Variants in RNGTT observed in about 807,000 individuals in gnomAD.
RNGTT encodes RNA guanylyltransferase and 5'-phosphatase.
A neutral mutation model predicts 79.3 loss-of-function variants in RNGTT; 33 were observed. That is an observed-to-expected ratio of 0.42 (90% confidence interval 0.32 to 0.56). The LOEUF is 0.56. Among genes scored for constraint, RNGTT ranks in the 20% least tolerant of loss-of-function variants. The pLI is 0.17. For missense variants in RNGTT, 497 were observed against 739.1 expected (o/e 0.67, Z 3.80); for synonymous variants, 222 against 235.9 (o/e 0.94, Z 0.54).
chr6:88,834,566 CTA>C (rs1369168439), intron 11 of RNGTT, among the ~76,000 whole-genome samples: 5 of 152,170 alleles, frequency 3.3e-5, no homozygotes, highest in Admixed American at 2.6e-4. Flanking sequence ...CTGAAAATCT[CTA>C]TGTGTGAACA....
chr6:88,962,902 A>G (rs1785686839), intron 1 of RNGTT, among the ~76,000 whole-genome samples: 2 of 151,928 alleles, frequency 1.3e-5, no homozygotes, highest in African/African-American at 4.8e-5. Context: ...AAACTAACAA[A>G]AACACCCTCC....
intron 8 of RNGTT, among the ~76,000 whole-genome samples, chr6:88,888,828 G>C (rs1166786457): frequency 6.6e-6 from 1 of 152,140 alleles, no homozygotes; most frequent in African/African-American, 2.4e-5. Context: ...TAGGGAGTTC[G>C]AGACCAGCCT....
rs187570601 is a variant in RNGTT at position 88,884,527 on chromosome 6, G to A, written c.896+5968C>T. 3.6e-3 allele frequency among the ~76,000 whole-genome samples: 542 copies of A among 152,188 alleles called. 9 individuals carry two copies. The highest frequency in any genetic ancestry group is 0.013 in the African/African-American group (524 of 41,532). On this transcript the variant is annotated intron_variant, in intron 8 of 15. Transcript: ENST00000369485. ...TGAGGCTGATTATTTAAGGGGGTGGGTAGGAACAGAATGAAAAGATAAGAG... is the reference window on the plus strand; with the variant it reads ...TGAGGCTGATTATTTAAGGGGGTGGATAGGAACAGAATGAAAAGATAAGAG...
intron 11 of RNGTT, among the ~76,000 whole-genome samples, chr6:88,840,767 C>T (rs1196248640): frequency 6.6e-6 from 1 of 152,126 alleles, no homozygotes; most frequent in East Asian, 1.9e-4. Context: ...TAAAGAAAAA[C>T]ATAGTAAGAA....
intron 11 of RNGTT, among the ~76,000 whole-genome samples, chr6:88,839,546 G>C (rs1211720266): frequency 6.6e-6 from 1 of 151,912 alleles, no homozygotes; most frequent in Non-Finnish European, 1.5e-5. Flanking sequence ...CTCTAGCCTG[G>C]ATGACAGAGC....
intron 12 of RNGTT, among the ~76,000 whole-genome samples, chr6:88,771,350 T>TATATATATATACAC (rs376503141): frequency 3.4e-5 from 4 of 116,254 alleles, no homozygotes; most frequent in African/African-American, 3.9e-5. Flanking sequence ...TATATATATA[T>TATATATATATACAC]ACACACACAC....
Position 88,963,507 on chromosome 6 carries a change from C to A in RNGTT, c.-98G>T, listed in dbSNP as rs543216589. 3 of 1,170,252 alleles carry A rather than the reference C, an allele frequency of 2.6e-6. No individual in the cohort carries two copies. The highest frequency in any genetic ancestry group is 3.2e-5 in the South Asian group (2 of 62,696). 72.5% of individuals were successfully genotyped at this position (1,170,252 alleles called of 1,614,324 possible). A position where few individuals can be genotyped will look rare whatever the true frequency, so the allele number is the denominator to read the frequency against. ...CGGTGCACACCGGGGTCCGAGACAC[C>A]CGAATCGCAGCCGTAATCTGAATTC... is the stretch of plus-strand genomic sequence containing the variant. On this transcript the variant is annotated 5_prime_UTR_variant, in exon 1 of 16. Transcript: ENST00000369485.
rs117972520 is a variant in RNGTT, at chr6:88,806,802, T to C, written c.1270-5170A>G. The stretch of plus-strand genomic sequence containing the variant: ...AAAGATATATGCATGTGTAAATTCA[T>C]TGCAGCACTATTTATAACAGCAAAG... On this transcript the variant is annotated intron_variant, in intron 11 of 15. Transcript: ENST00000369485. 1.7e-3 allele frequency among the ~76,000 whole-genome samples: 256 copies of C among 152,312 alleles called. 7 individuals carry two copies. The East Asian group carries it at 0.043, about 26-fold the overall frequency.
chr6:88,849,953 T>G, intron 9 of RNGTT, 127 bp from the exon 10 acceptor site: 10 of 835,326 alleles, frequency 1.2e-5, no homozygotes, highest in Non-Finnish European at 1.7e-5. Context: ...AATTTCAAAG[T>G]GAACACACTT....
At chr6:88,937,589 T>C (rs1582152874) in intron 2 of RNGTT, among the ~76,000 whole-genome samples, 1 of 152,190 alleles carries the variant, frequency 6.6e-6, no homozygotes, top group East Asian at 1.9e-4. Context: ...TCTTTCCTTC[T>C]ACAAATTTTT....
At chr6:88,768,924 G>C (rs1778556312) in intron 13 of RNGTT, among the ~76,000 whole-genome samples, 1 of 152,086 alleles carries the variant, frequency 6.6e-6, no homozygotes, top group African/African-American at 2.4e-5. Context: ...AAATCTTAAT[G>C]AAAGTCAACA....
intron 13 of RNGTT, among the ~76,000 whole-genome samples, chr6:88,752,892 A>C (rs891497355): frequency 1.3e-5 from 2 of 152,160 alleles, no homozygotes; most frequent in African/African-American, 4.8e-5. Flanking sequence ...TACCCACAAA[A>C]ATTTTAAAAA....
intron 1 of RNGTT, among the ~76,000 whole-genome samples, chr6:88,950,689 A>C (rs1785213249): frequency 6.6e-6 from 1 of 152,114 alleles, no homozygotes; most frequent in Non-Finnish European, 1.5e-5. Flanking sequence ...AAAGTTAGCC[A>C]GGCATAGTAG....
intron 13 of RNGTT, among the ~76,000 whole-genome samples, chr6:88,685,342 A>C (rs1775236825): frequency 6.6e-6 from 1 of 152,334 alleles, no homozygotes; most frequent in South Asian, 2.1e-4. Context: ...AATGTACCAC[A>C]CTAGTGCAAC....
intron 9 of RNGTT, among the ~76,000 whole-genome samples, chr6:88,852,252 AC>A (rs1196214250): frequency 3.3e-5 from 5 of 152,124 alleles, no homozygotes; most frequent in African/African-American, 1.2e-4. Flanking sequence ...TCTAAGCAAT[AC>A]CCGTACTCTT....
chr6:88,837,300 G>A (rs1781113284), intron 11 of RNGTT, among the ~76,000 whole-genome samples: 1 of 152,144 alleles, frequency 6.6e-6, no homozygotes, highest in Non-Finnish European at 1.5e-5. Context: ...GGGAGGCTGA[G>A]GCAGGAGGAT....
chr6:88,896,691 A>C (rs1374786326), intron 6 of RNGTT, among the ~76,000 whole-genome samples: 2 of 152,314 alleles, frequency 1.3e-5, no homozygotes, highest in East Asian at 3.9e-4. Context: ...AAGTACCCTT[A>C]ATATTTAAGC....
chr6:88,710,929 G>A (rs138050374), intron 13 of RNGTT, among the ~76,000 whole-genome samples: 1 of 152,162 alleles, frequency 6.6e-6, no homozygotes, highest in African/African-American at 2.4e-5. Flanking sequence ...GGACTTAAAT[G>A]TTTTCTTGAG....
intron 8 of RNGTT, among the ~76,000 whole-genome samples, chr6:88,870,511 C>CAA (rs751016965): frequency 1.2e-3 from 111 of 91,740 alleles, no homozygotes; most frequent in Non-Finnish European, 1.9e-3. Flanking sequence ...CAATTAAGAG[C>CAA]AAAAAAAAAA....
Sources: gnomAD v4.1 joint callset for allele counts (sites outside exome capture counted in the v4.1 genomes callset) on GRCh38, gnomAD v4.1.1 for gene constraint, MANE v1.5 for transcripts, NCBI Gene and HGNC (gene_info 2026-07-23, HGNC 2026-07-21) for gene names.